The following SGCZ variants were observed in gnomAD, a reference collection of about 807,000 sequenced individuals.
SGCZ encodes the protein sarcoglycan zeta.
SGCZ carries 40 observed loss-of-function variants against 41.3 expected under a neutral mutation model. That is an observed-to-expected ratio of 0.97 (90% CI 0.75 to 1.26). The LOEUF (loss-of-function observed/expected upper bound fraction) is 1.26, where lower values mean the gene tolerates loss of function less well. Ranked by LOEUF, SGCZ falls within the 50% of genes most tolerant of loss-of-function variation. The pLI is 0.00. For synonymous variants in SGCZ, 206 were observed against 137.5 expected, an observed-to-expected ratio of 1.50 and a Z score of -3.49; for missense variants, 552 against 369.8, an observed-to-expected ratio of 1.49 and a Z score of -4.04.
At chr8:14,240,438 T>G (rs13255876) in intron 3 of SGCZ, among the ~76,000 whole-genome samples, 20,680 of 151,930 alleles carry the variant, frequency 0.14, 1,564 homozygotes, top group Admixed American at 0.21. Context: ...GCAGAGAATT[T>G]GTTGAAGTTC....
At chr8:14,912,305 A>C (rs1445394288) in intron 1 of SGCZ, among the ~76,000 whole-genome samples, 1 of 151,990 alleles carries the variant, frequency 6.6e-6, no homozygotes, top group Non-Finnish European at 1.5e-5. Flanking sequence ...ATAATGCTTA[A>C]TGAGCCCTAC....
At chr8:14,283,825 T>C (rs73664090) in intron 3 of SGCZ, among the ~76,000 whole-genome samples, 6,241 of 152,294 alleles carry the variant, frequency 0.041, 412 homozygotes, top group African/African-American at 0.14. Context: ...CAATGTCCAC[T>C]GCTACTTTAC....
chr8:14,296,024 C>A (rs571542799), intron 3 of SGCZ, among the ~76,000 whole-genome samples: 1 of 152,176 alleles, frequency 6.6e-6, no homozygotes, highest in South Asian at 2.1e-4. Context: ...TAAGTTCAGA[C>A]CAGAAGGTGG....
chr8:14,542,862 T>TAA (rs1466855972), intron 2 of SGCZ, among the ~76,000 whole-genome samples: 1 of 152,096 alleles, frequency 6.6e-6, no homozygotes, highest in Admixed American at 6.6e-5. Context: ...TATTTACGTT[T>TAA]AATCATCAAA....
chr8:14,867,695 C>T (rs992939338), intron 1 of SGCZ, among the ~76,000 whole-genome samples: 4 of 151,970 alleles, frequency 2.6e-5, no homozygotes, highest in African/African-American at 7.3e-5. Context: ...CATGTTCTCA[C>T]GTATAAGTGG....
chr8:14,237,491 A>AACAACAACAACAACAACAACG (rs1806805297), intron 4 of SGCZ, 101 bp downstream of exon 4: 1 of 1,115,156 alleles, frequency 9.0e-7, no homozygotes. Flanking sequence ...TCAAAACAAC[A>AACAACAACAACAACAACAACG]ACAACAACAA....
chr8:15,002,938 T>G (rs1168192565), intron 1 of SGCZ, among the ~76,000 whole-genome samples: 2 of 152,076 alleles, frequency 1.3e-5, no homozygotes, highest in Non-Finnish European at 2.9e-5. Context: ...TCCATTATAG[T>G]GAATACATCT....
intron 1 of SGCZ, among the ~76,000 whole-genome samples, chr8:14,686,608 G>C (rs925084665): frequency 1.3e-5 from 2 of 152,030 alleles, no homozygotes; most frequent in Non-Finnish European, 2.9e-5. Context: ...GGAGATCATG[G>C]CTATTATTAA....
intron 1 of SGCZ, among the ~76,000 whole-genome samples, chr8:14,824,554 C>T (rs534851952): frequency 2.6e-5 from 4 of 152,102 alleles, no homozygotes; most frequent in South Asian, 4.1e-4. Context: ...GCCCTGGCTT[C>T]CATAATAAAG....
intron 1 of SGCZ, among the ~76,000 whole-genome samples, chr8:14,586,444 C>T (rs1805060192): frequency 6.6e-6 from 1 of 152,154 alleles, no homozygotes; most frequent in African/African-American, 2.4e-5. Context: ...GACTCTTGGG[C>T]TCAAGCAATC....
At chr8:14,652,959 C>A (rs1807451610) in intron 1 of SGCZ, among the ~76,000 whole-genome samples, 1 of 151,988 alleles carries the variant, frequency 6.6e-6, no homozygotes, top group African/African-American at 2.4e-5. Context: ...GAATATGGAT[C>A]ATGTACATGA....
intron 1 of SGCZ, among the ~76,000 whole-genome samples, chr8:14,670,245 C>A (rs181505119): frequency 6.6e-6 from 1 of 152,004 alleles, no homozygotes; most frequent in Non-Finnish European, 1.5e-5. Flanking sequence ...TATATTGTAG[C>A]GATAGTGGAT....
At chr8:14,815,185 G>C (rs1184799011) in intron 1 of SGCZ, among the ~76,000 whole-genome samples, 1 of 151,154 alleles carries the variant, frequency 6.6e-6, no homozygotes, top group Non-Finnish European at 1.5e-5. Context: ...TGTCTTTGTA[G>C]ACTGCTGAAA....
intron 1 of SGCZ, among the ~76,000 whole-genome samples, chr8:14,791,459 GA>G (rs113511615): frequency 0.016 from 2,257 of 144,540 alleles, 74 homozygotes; most frequent in East Asian, 0.075. Context: ...GAAAATAAAA[GA>G]AAAAAAAAAA....
At chr8:15,192,183 G>C in intron 1 of SGCZ, among the ~76,000 whole-genome samples, 1 of 151,830 alleles carries the variant, frequency 6.6e-6, no homozygotes, top group East Asian at 1.9e-4. Context: ...GTAAAATTTT[G>C]TTCCTGAATC....
In SGCZ at chr8:14,164,624, T is replaced by A; in HGVS notation, c.503A>T (p.Asp168Val). 6.2e-7 allele frequency: 1 copy of A among 1,613,640 alleles called. No individual in the cohort carries two copies. The change falls in exon 5 of 8, where the codon GAT becomes GTT. Residue 168 changes from aspartate to valine, a missense_variant. By Grantham distance (152) the Asp-to-Val change is radical (BLOSUM62 -3). Transcript: ENST00000382080. ...AGCCCCAATGGTAATCTCATCTTCA[T>A]CTGCAGAAAACAGCACCCTGCCATC... ...SEDGRVLFSA[D>V]EDEITIGAEK... is the part of the protein sequence containing the mutation.
chr8:14,405,136 T>C (rs1437323257), intron 2 of SGCZ, among the ~76,000 whole-genome samples: 1 of 152,202 alleles, frequency 6.6e-6, no homozygotes, highest in East Asian at 1.9e-4. Context: ...ACTGTGAGTG[T>C]TCACTTTGAA....
chr8:14,585,837 C>T (rs1332985771), intron 1 of SGCZ, among the ~76,000 whole-genome samples: 1 of 152,026 alleles, frequency 6.6e-6, no homozygotes, highest in Non-Finnish European at 1.5e-5. Context: ...TCGTAGCAAA[C>T]CATGAACACT....
At position 14,102,462 on chromosome 8, in the gene SGCZ, G is replaced by A; in HGVS notation, c.658C>T (p.Pro220Ser). Residue 220 changes from proline (P) to serine (S), a missense_variant, in exon 7 of 8, where the codon CCC becomes TCC. By Grantham distance (74) the Pro-to-Ser change is moderately conservative (BLOSUM62 -1). Coordinates refer to ENST00000382080, the MANE Select transcript of SGCZ (RefSeq NM_139167.4). ...SPTRSLIMEAPRGVQVSAAAG... is the reference protein window; with the variant it reads ...SPTRSLIMEASRGVQVSAAAG... The stretch of plus-strand genomic sequence containing the variant: ...GCAGCACTCACCTGGACCCCACGGG[G>A]AGCTTCCATGATCAAGGATCTGGTG... 1 of 1,496,942 alleles carries A rather than the reference G, an allele frequency of 6.7e-7. No homozygotes were observed. The highest frequency in any genetic ancestry group is 2.4e-5 in the East Asian group (1 of 40,920). 92.7% of individuals were successfully genotyped at this position (1,496,942 alleles called of 1,614,324 possible).
Sources: allele counts gnomAD v4.1 joint callset (sites outside exome capture counted in the v4.1 genomes callset), GRCh38; gene constraint gnomAD v4.1.1; transcripts MANE v1.5; gene names NCBI Gene and HGNC (gene_info 2026-07-23, HGNC 2026-07-21).